Variants in NUDT5 observed in about 807,000 individuals in gnomAD.
NUDT5 encodes the protein ADP-sugar pyrophosphatase.
NUDT5 carries 21 observed loss-of-function variants against 34.1 expected under a neutral mutation model. The observed-to-expected ratio is 0.62, with a 90% CI of 0.44 to 0.89. NUDT5 has a LOEUF of 0.89. NUDT5 is among the 40% of genes least tolerant of loss of function. The pLI is 0.00. For missense variants in NUDT5, 249 were observed against 274.8 expected (o/e 0.91, Z 0.66); for synonymous variants, 85 against 97.6 (o/e 0.87, Z 0.76).
intron 5 of NUDT5, among the ~76,000 whole-genome samples, chr10:12,174,670 C>T (rs550103680): frequency 6.6e-6 from 1 of 152,328 alleles, no homozygotes; most frequent in African/African-American, 2.4e-5. Context: ...TATTCAGACC[C>T]AGATCCATCA....
At chr10:12,179,040 C>T in intron 4 of NUDT5, 43 bp downstream of exon 4, 1 of 1,545,664 alleles carries the variant, frequency 6.5e-7, no homozygotes, top group Middle Eastern at 1.7e-4. Context: ...ATCACAAGTG[C>T]TAACTTCCTT....
At position 12,170,666 on chromosome 10, in the gene NUDT5, T is replaced by G. The variant is rs1477842671; in HGVS notation, c.550+51A>C. The G allele has an allele frequency of 1.3e-6, 2 of 1,547,658 alleles. No homozygotes were observed. Among genetic ancestry groups the G allele is most frequent in the South Asian group, 2.2e-5 (2 of 89,708 alleles). On this transcript the variant is annotated intron_variant, in intron 9 of 9. Coordinates refer to ENST00000491614, the MANE Select transcript of NUDT5 (RefSeq NM_014142.4). The surrounding 1 kb of genome is among the most constrained non-coding windows in gnomAD (Gnocchi z 4.9). ...ATATTTAGTACCCAGTTTGCTGGGA[T>G]GGGGACGGGGAGAACTGGAGAAACT... is the stretch of plus-strand genomic sequence containing the variant.
At chr10:12,190,559 A>G (rs1298682871) in intron 1 of NUDT5, among the ~76,000 whole-genome samples, 2 of 150,646 alleles carry the variant, frequency 1.3e-5, no homozygotes, top group Non-Finnish European at 2.9e-5. Context: ...GTTTTAAAGG[A>G]GGGACACACA....
intron 2 of NUDT5, among the ~76,000 whole-genome samples, chr10:12,185,493 T>C (rs1835111435): frequency 6.6e-6 from 1 of 152,232 alleles, no homozygotes; most frequent in South Asian, 2.1e-4. Context: ...ACACCCCAGG[T>C]TCGTTCTGCC....
intron 2 of NUDT5, 37 bp from the exon 3 acceptor site, chr10:12,184,993 A>G: frequency 8.7e-7 from 1 of 1,146,500 alleles, no homozygotes; most frequent in South Asian, 1.3e-5. Context: ...GGAAACTTTC[A>G]AACCAAGTTG....
At chr10:12,190,327 A>T (rs185931815) in intron 1 of NUDT5, among the ~76,000 whole-genome samples, 6 of 152,152 alleles carry the variant, frequency 3.9e-5, no homozygotes, top group South Asian at 4.2e-4. Context: ...TCCAGAGCAT[A>T]AAAAAAACAC....
rs528189089 is a variant in NUDT5 at position 12,179,986 on chromosome 10, G to T, written c.132-854C>A. ...AGAGTGGAGAAGCAAACAATTTTAG[G>T]ATCTCTTTTAAAGGAAGTGAAACAT... is the stretch of plus-strand genomic sequence containing the variant. On this transcript the variant is annotated intron_variant, in intron 3 of 9. Transcript: ENST00000491614. Among the ~76,000 whole-genome samples the T allele has an allele frequency of 3.9e-5, 6 of 152,246 alleles. 1 individual carries two copies. The highest frequency in any genetic ancestry group is 1.2e-4 in the African/African-American group (5 of 41,550).
In NUDT5 at chr10:12,173,715, A is replaced by T; in HGVS notation, c.385+3T>A. The T allele has an allele frequency of 2.5e-6, 4 of 1,610,418 alleles. No individual in the cohort carries two copies. Among genetic ancestry groups the T allele is most frequent in the Middle Eastern group, 1.7e-4 (1 of 6,048 alleles). ...ACTTGGTGAATTTTCAAGCAATACC[A>T]ACCTGGAGAACATTCGGCAATGTCC... On this transcript the variant is annotated splice_donor_region_variant and intron_variant, in intron 6 of 9. Transcript: ENST00000491614. The surrounding 1 kb of genome is among the most constrained non-coding windows in gnomAD (Gnocchi z 4.7).
At position 12,173,193 on chromosome 10, in the gene NUDT5, G is replaced by C. The variant is rs971825883; in HGVS notation, c.386-327C>G. 1.3e-5 allele frequency among the ~76,000 whole-genome samples: 2 copies of C among 152,150 alleles called. No homozygotes were observed. The highest frequency in any genetic ancestry group is 4.8e-5 in the African/African-American group (2 of 41,430). Reference sequence around the variant, plus strand: ...GATGGGTGAGCAATAAAACTCAGGGGGTAGGAAATTCCTAAAGGCAATTGA... The same window carrying C: ...GATGGGTGAGCAATAAAACTCAGGGCGTAGGAAATTCCTAAAGGCAATTGA... On this transcript the variant is annotated intron_variant, in intron 6 of 9. Transcript: ENST00000491614. The surrounding 1 kb of genome is among the most constrained non-coding windows in gnomAD (Gnocchi z 4.7).
At position 12,181,097 on chromosome 10, in the gene NUDT5, C is replaced by G. The variant is rs1275586244; in HGVS notation, c.132-1965G>C. On this transcript the variant is annotated intron_variant, in intron 3 of 9. Coordinates refer to ENST00000491614, the MANE Select transcript of NUDT5 (RefSeq NM_014142.4). The surrounding 1 kb of genome is among the most constrained non-coding windows in gnomAD (Gnocchi z 5.0). ...CTGCATTCATGGATTCAACCAACCA[C>G]CCATTGAAAATATTTAGGAAAAAAA... is the stretch of plus-strand genomic sequence containing the variant. Among the ~76,000 whole-genome samples the G allele has an allele frequency of 6.6e-6, 1 of 152,172 alleles. No individual in the cohort carries two copies. Among genetic ancestry groups the G allele is most frequent in the Non-Finnish European group, 1.5e-5 (1 of 68,032 alleles).
Position 12,166,696 on chromosome 10 carries a change from G to T in NUDT5, c.*1006C>A. 2.0e-6 allele frequency: 1 copy of T among 506,128 alleles called. No homozygotes were observed. 31.4% of individuals were successfully genotyped at this position (506,128 alleles called of 1,614,324 possible). ...ATGAGAATCATCCTGAGAATTCCGT[G>T]GGGGCCAGACTGGAAAGTCCTGGAA... On this transcript the variant is annotated 3_prime_UTR_variant, in exon 10 of 10. Coordinates refer to ENST00000491614, the MANE Select transcript of NUDT5 (RefSeq NM_014142.4).
intron 1 of NUDT5, 62 bp from the exon 2 acceptor site, chr10:12,186,394 A>G (rs892658629): frequency 2.0e-5 from 18 of 919,314 alleles, no homozygotes; most frequent in Non-Finnish European, 3.0e-5. Flanking sequence ...ATTCGTCCAC[A>G]GGACACTAGT....
rs34620432 is a variant in NUDT5 at position 12,168,027 on chromosome 10, ATT to A, written c.551-218_551-217del. On this transcript the variant is annotated intron_variant, in intron 9 of 9. Coordinates refer to ENST00000491614, the MANE Select transcript of NUDT5 (RefSeq NM_014142.4). This position sits in a 1 kb window ranked among gnomAD's most constrained non-coding sequence, Gnocchi z 4.8. ...TGAGACAAGAACATCAGGGATAATG[ATT>A]TTTTTTTTTTTTGGTGAGACAGTCT... is the stretch of plus-strand genomic sequence containing the variant. 3.3e-3 allele frequency: 2,039 copies of A among 611,052 alleles called. No individual in the cohort carries two copies. Among genetic ancestry groups the A allele is most frequent in the South Asian group, 6.7e-3 (237 of 35,494 alleles). The allele number at this position is 611,052 out of a possible 1,614,324, so 37.9% of individuals were successfully genotyped here. A position where few individuals can be genotyped will look rare whatever the true frequency, so the allele number is the denominator to read the frequency against.
Position 12,168,652 on chromosome 10 carries a change from G to A in NUDT5, c.551-841C>T, listed in dbSNP as rs1343096910. Among the ~76,000 whole-genome samples, 1 of 152,150 alleles carries A rather than the reference G, an allele frequency of 6.6e-6. No homozygotes were observed. The highest frequency in any genetic ancestry group is 2.4e-5 in the African/African-American group (1 of 41,432). On this transcript the variant is annotated intron_variant, in intron 9 of 9. Transcript: ENST00000491614. This position sits in a 1 kb window ranked among gnomAD's most constrained non-coding sequence, Gnocchi z 4.8. Reference sequence around the variant, plus strand: ...CTTGTTTTCCTAGCCGCTTGTTTGGGAACAAGCCTGGGGACATTTGCAGGC... The same window carrying A: ...CTTGTTTTCCTAGCCGCTTGTTTGGAAACAAGCCTGGGGACATTTGCAGGC...
intron 5 of NUDT5, among the ~76,000 whole-genome samples, chr10:12,177,302 A>G (rs1314327330): frequency 2.0e-5 from 3 of 151,896 alleles, no homozygotes; most frequent in African/African-American, 7.3e-5. Flanking sequence ...GGCAGATCAC[A>G]AGGTCAGGAG....
At chr10:12,172,496 T>C (rs957652055) in intron 7 of NUDT5, 2 of 485,432 alleles carry the variant, frequency 4.1e-6, no homozygotes, top group South Asian at 4.7e-5. Flanking sequence ...GCAGCTCATA[T>C]TACTAAGTGG....
rs1164688970 is a variant in NUDT5, at chr10:12,172,872, G to C, written c.386-6C>G. On this transcript the variant is annotated splice_region_variant and splice_polypyrimidine_tract_variant and intron_variant, in intron 6 of 9. Transcript: ENST00000491614. ...GCCTGGGTCCATACAGACCGCTGTG[G>C]AGAGAAGGGACAGTCAGATGCGTCA... 3 of 1,600,298 alleles carry C rather than the reference G, an allele frequency of 1.9e-6. No individual in the cohort carries two copies. The East Asian group carries it at 6.7e-5, about 36-fold the overall frequency.
intron 1 of NUDT5, among the ~76,000 whole-genome samples, chr10:12,191,446 A>C (rs1175533016): frequency 6.6e-6 from 1 of 152,006 alleles, no homozygotes; most frequent in African/African-American, 2.4e-5. Flanking sequence ...CAAAACTCCC[A>C]AAACAACTCC....
intron 3 of NUDT5, chr10:12,184,440 G>C: frequency 6.7e-7 from 1 of 1,483,834 alleles, no homozygotes; most frequent in Non-Finnish European, 9.2e-7. Flanking sequence ...TTATGAAATA[G>C]GGTGTACAAA....
Sources: allele counts gnomAD v4.1 joint callset (sites outside exome capture counted in the v4.1 genomes callset), GRCh38; gene constraint gnomAD v4.1.1; non-coding constraint Gnocchi (gnomAD v3.1); transcripts MANE v1.5; gene names NCBI Gene and HGNC (gene_info 2026-07-23, HGNC 2026-07-21).